The following SLC1A3 variants were observed in gnomAD, a reference collection of about 807,000 sequenced individuals.
SLC1A3 encodes excitatory amino acid transporter 1.
SLC1A3 carries 21 observed loss-of-function variants against 48.1 expected under a neutral mutation model. The observed-to-expected ratio is 0.44, with a 90% CI of 0.31 to 0.63. The LOEUF (loss-of-function observed/expected upper bound fraction) is 0.63. Ranked by LOEUF, SLC1A3 falls within the 20% of genes least tolerant of loss-of-function variation. SLC1A3 has a pLI of 0.08. For missense variants in SLC1A3, 546 were observed against 689.0 expected (o/e 0.79, Z 2.32); for synonymous variants, 239 against 251.4 (o/e 0.95, Z 0.47).
chr5:36,602,004 A>C (rs1738814082), upstream of SLC1A3, among the ~76,000 whole-genome samples: 1 of 152,154 alleles, frequency 6.6e-6, no homozygotes, highest in Non-Finnish European at 1.5e-5. Flanking sequence ...CAGTCTAGAC[A>C]GGGAGAATTG....
At chr5:36,649,169 C>T (rs1740954806) in intron 3 of SLC1A3, 2 of 151,972 alleles carry the variant, frequency 1.3e-5, no homozygotes, top group South Asian at 4.2e-4. Context: ...CATGGAGAAA[C>T]CCCATCTCTA....
chr5:36,662,785 T>C (rs1275376980), intron 3 of SLC1A3, among the ~76,000 whole-genome samples: 1 of 152,092 alleles, frequency 6.6e-6, no homozygotes. Context: ...GCAAACCACA[T>C]ACTGGGAAGA....
At chr5:36,654,154 C>T (rs527509214) in intron 3 of SLC1A3, among the ~76,000 whole-genome samples, 2 of 152,308 alleles carry the variant, frequency 1.3e-5, no homozygotes, top group Admixed American at 6.5e-5. Flanking sequence ...ATGTTTTCTT[C>T]CTAATCAGCT....
At chr5:36,646,254 T>C (rs967807606) in intron 3 of SLC1A3, among the ~76,000 whole-genome samples, 1 of 152,232 alleles carries the variant, frequency 6.6e-6, no homozygotes, top group Non-Finnish European at 1.5e-5. Flanking sequence ...TCTGGAATTG[T>C]AAAGAACGCT....
In SLC1A3 at chr5:36,684,016, G is replaced by T; in HGVS notation, c.1424+18G>T. 6.2e-7 allele frequency: 1 copy of T among 1,614,096 alleles called. No individual in the cohort carries two copies. The highest frequency in any genetic ancestry group is 8.5e-7 in the Non-Finnish European group (1 of 1,179,958). On this transcript the variant is annotated intron_variant, in intron 9 of 9. Transcript: ENST00000265113. ...TGGTTCCTGTGAGTATGCTTGGCCT[G>T]CATTCCAGCTCACTGTCACAGGGTC...
intron 3 of SLC1A3, among the ~76,000 whole-genome samples, chr5:36,646,881 T>C (rs1383696823): frequency 2.0e-5 from 3 of 152,134 alleles, no homozygotes; most frequent in African/African-American, 7.2e-5. Flanking sequence ...TTTTTGCAGG[T>C]GTAAGTCATT....
intron 7 of SLC1A3, among the ~76,000 whole-genome samples, chr5:36,680,068 C>T (rs1206810568): frequency 1.3e-5 from 2 of 152,184 alleles, no homozygotes; most frequent in Non-Finnish European, 2.9e-5. Flanking sequence ...TGGAAATCAA[C>T]TATCCTTTCC....
intron 3 of SLC1A3, among the ~76,000 whole-genome samples, chr5:36,655,434 A>C (rs1001776472): frequency 6.6e-6 from 1 of 152,144 alleles, no homozygotes; most frequent in Non-Finnish European, 1.5e-5. Context: ...GTTTCTGCTG[A>C]CTGGCTGCCT....
chr5:36,680,437 C>A lies in SLC1A3; in HGVS notation c.1137C>A (p.Asn379Lys), dbSNP rs145843572. ...TCACCTTCAAGTGCCTGGAAGAGAA[C>A]AATGGCGTGGACAAGCGCGTCACCA... is the stretch of plus-strand genomic sequence containing the variant. ...LPITFKCLEE[N>K]NGVDKRVTRF... is the part of the protein sequence containing the mutation. Residue 379 changes from asparagine (N) to lysine (K), a missense_variant, in exon 8 of 10, where the codon AAC becomes AAA. Around this residue, in one of 3 missense-constraint regions of SLC1A3, gnomAD observed 142 missense variants for 238.0 expected, o/e 0.60. Transcript: ENST00000265113. 1.1e-5 allele frequency: 17 copies of A among 1,614,086 alleles called. No homozygotes were observed. The highest frequency in any genetic ancestry group is 1.4e-5 in the Non-Finnish European group (17 of 1,180,040).
At chr5:36,663,131 C>T (rs1055773847) in intron 3 of SLC1A3, among the ~76,000 whole-genome samples, 1 of 152,146 alleles carries the variant, frequency 6.6e-6, no homozygotes, top group African/African-American at 2.4e-5. Flanking sequence ...ATACTGTCTT[C>T]GCCACTGATT....
intron 3 of SLC1A3, among the ~76,000 whole-genome samples, chr5:36,631,095 C>T (rs1405019554): frequency 6.6e-6 from 1 of 152,212 alleles, no homozygotes; most frequent in East Asian, 1.9e-4. Flanking sequence ...AGAGTCTCTC[C>T]TCACCATCCC....
intron 2 of SLC1A3, among the ~76,000 whole-genome samples, chr5:36,617,684 C>G (rs1739500617): frequency 6.6e-6 from 1 of 151,888 alleles, no homozygotes; most frequent in Non-Finnish European, 1.5e-5. Context: ...TTTCACCTTG[C>G]TTTTTTCACT....
intron 2 of SLC1A3, among the ~76,000 whole-genome samples, chr5:36,626,951 G>C (rs1739928502): frequency 1.3e-5 from 2 of 152,074 alleles, no homozygotes; most frequent in Admixed American, 1.3e-4. Flanking sequence ...AAACTTGTGA[G>C]GGGGGAGGGA....
At chr5:36,636,852 G>A (rs937058780) in intron 3 of SLC1A3, among the ~76,000 whole-genome samples, 1 of 152,080 alleles carries the variant, frequency 6.6e-6, no homozygotes, top group South Asian at 2.1e-4. Context: ...ATGCAACCTT[G>A]CTACCAGAGC....
intron 1 of SLC1A3, among the ~76,000 whole-genome samples, chr5:36,600,208 G>C (rs1363647882): frequency 2.0e-5 from 3 of 152,140 alleles, no homozygotes; most frequent in Non-Finnish European, 4.4e-5. Context: ...GGGGAAGCTA[G>C]AGGAAGGGTG....
At chr5:36,615,373 G>T (rs1037677038) in intron 2 of SLC1A3, among the ~76,000 whole-genome samples, 1 of 152,104 alleles carries the variant, frequency 6.6e-6, no homozygotes, top group Admixed American at 6.5e-5. Flanking sequence ...GAGGTGTTTT[G>T]CTTTGTTTTA....
At chr5:36,619,137 C>T (rs898994134) in intron 2 of SLC1A3, among the ~76,000 whole-genome samples, 6 of 152,046 alleles carry the variant, frequency 3.9e-5, no homozygotes, top group African/African-American at 1.5e-4. Flanking sequence ...ACAGGAAATA[C>T]CAAAGGACAA....
intron 2 of SLC1A3, among the ~76,000 whole-genome samples, chr5:36,617,957 T>C (rs6451303): frequency 0.81 from 123,360 of 152,118 alleles, 50,601 homozygotes; most frequent in African/African-American, 0.93. Context: ...TAATTTGTAC[T>C]CCATAGAATT....
intron 1 of SLC1A3, among the ~76,000 whole-genome samples, chr5:36,597,760 G>A (rs1738762319): frequency 2.0e-5 from 3 of 152,000 alleles, no homozygotes; most frequent in Non-Finnish European, 2.9e-5. Context: ...TCTTCCGCCT[G>A]GCACGCCTCT....
Sources: allele counts gnomAD v4.1 joint callset (sites outside exome capture counted in the v4.1 genomes callset), GRCh38; gene constraint gnomAD v4.1.1; regional missense constraint gnomAD v4.1.1; transcripts MANE v1.5; gene names NCBI Gene and HGNC (gene_info 2026-07-23, HGNC 2026-07-21).